ATXN2L: variants seen among roughly 807,000 people sequenced by gnomAD.
ATXN2L encodes ataxin-2-like protein.
A neutral mutation model predicts 120.7 loss-of-function variants in ATXN2L; 24 were observed. That is an observed-to-expected ratio of 0.20 (90% CI 0.14 to 0.28). The LOEUF is 0.28. Among genes scored for constraint, ATXN2L ranks in the 10% least tolerant of loss-of-function variants. The pLI, the probability that ATXN2L is intolerant of heterozygous loss-of-function variation, is 1.00. For missense variants in ATXN2L, 1,312 were observed against 1,432.3 expected (o/e 0.92, Z 1.36); for synonymous variants, 653 against 568.1 (o/e 1.15, Z -2.13).
chr16:28,836,156 G>A lies in ATXN2L; in HGVS notation c.3119G>A (p.Gly1040Glu), dbSNP rs761306397. Residue 1040 changes from glycine to glutamate, a missense_variant, in exon 22 of 22, where the codon GGA becomes GAA. By Grantham distance (98) the Gly-to-Glu change is moderately conservative. Transcript: ENST00000336783. The stretch of plus-strand genomic sequence containing the variant: ...CCTGGCCAGGCGCCTGGATTTCCAG[G>A]AGGAGCCGATGACAGGATTCGTGAG... ...EQPGQAPGFP[G>E]GADDRIREFS... is the part of the protein sequence containing the mutation. The A allele has an allele frequency of 6.2e-7, 1 of 1,614,144 alleles. No homozygotes were observed. Among genetic ancestry groups the A allele is most frequent in the Non-Finnish European group, 8.5e-7 (1 of 1,180,010 alleles).
At chr16:28,829,763 C>T (rs2053666585) in intron 7 of ATXN2L, 95 bp from the exon 8 acceptor site, 1 of 1,334,106 alleles carries the variant, frequency 7.5e-7, no homozygotes, top group East Asian at 2.3e-5. Flanking sequence ...ACTTCCATGC[C>T]TGAACTGGTG....
In ATXN2L at chr16:28,836,850, C is replaced by T; in HGVS notation, c.*585C>T. ...TGATCTATGTCTCTTCCCCCAGCAG[C>T]TCGGACCACTCCCAGCCCCCCATCC... On this transcript the variant is annotated 3_prime_UTR_variant, in exon 22 of 22. Transcript: ENST00000336783. 1.3e-6 allele frequency: 2 copies of T among 1,544,816 alleles called. No homozygotes were observed. The highest frequency in any genetic ancestry group is 1.8e-6 in the Non-Finnish European group (2 of 1,122,412).
chr16:28,831,350 C>T (rs558560176), intron 10 of ATXN2L, among the ~76,000 whole-genome samples: 14 of 151,996 alleles, frequency 9.2e-5, no homozygotes, highest in South Asian at 8.3e-4. Flanking sequence ...TTTTTTGAAA[C>T]GGAGTCTTGC....
chr16:28,830,686 C>T lies in ATXN2L; in HGVS notation c.1106C>T (p.Ser369Phe). ...GPRGGVRCSSSRGGRPGLSSL... is the reference protein window; with the variant it reads ...GPRGGVRCSSFRGGRPGLSSL... ...CGGGGAGGAGTTCGATGCAGCAGCT[C>T]TCGGGGCGGTCGGCCTGGCCTTAGC... The change falls in exon 9 of 22, where the codon TCT (serine) becomes TTT (phenylalanine). Residue 369 changes from serine (S) to phenylalanine (F), a missense_variant. Ser to Phe is a radical substitution (Grantham distance 155). Transcript: ENST00000336783. The T allele has an allele frequency of 6.2e-7, 1 of 1,613,814 alleles. No individual in the cohort carries two copies. The highest frequency in any genetic ancestry group is 1.1e-5 in the South Asian group (1 of 91,034).
intron 10 of ATXN2L, 151 bp downstream of exon 10, chr16:28,831,223 C>G (rs1244360338): frequency 3.0e-6 from 2 of 667,872 alleles, no homozygotes; most frequent in Non-Finnish European, 2.5e-6. Context: ...AATAGTTCTT[C>G]GATTTCCCTA....
chr16:28,826,952 G>A lies in ATXN2L; in HGVS notation c.707G>A (p.Ser236Asn). 1.3e-6 allele frequency: 2 copies of A among 1,581,536 alleles called. No homozygotes were observed. Among genetic ancestry groups the A allele is most frequent in the Non-Finnish European group, 8.6e-7 (1 of 1,159,912 alleles). Residue 236 changes from serine to asparagine, a missense_variant, in exon 6 of 22, where the codon AGC (serine) becomes AAC (asparagine). Ser to Asn is a conservative substitution (Grantham distance 46). Transcript: ENST00000336783. ...KVLQRWEGGDSNSDDYDLESD... is the reference protein window; with the variant it reads ...KVLQRWEGGDNNSDDYDLESD... ...CTTCAGCGCTGGGAGGGGGGTGACA[G>A]CAACAGCGACGACTATGACCTCGAG...
chr16:28,824,666 T>C, intron 1 of ATXN2L: 1 of 1,053,586 alleles, frequency 9.5e-7, no homozygotes, highest in South Asian at 1.6e-5. Flanking sequence ...TGGGAGGTAA[T>C]GTACCTGAGC....
chr16:28,823,869 T>C, intron 1 of ATXN2L: 2 of 307,394 alleles, frequency 6.5e-6, no homozygotes, highest in Non-Finnish European at 1.2e-5. Context: ...GGCAAGGAGC[T>C]GATCGGGGTC....
rs967771955 is a variant in ATXN2L, at chr16:28,836,545, G to T, written c.*280G>T. On this transcript the variant is annotated 3_prime_UTR_variant, in exon 22 of 22. Coordinates refer to ENST00000336783, the MANE Select transcript of ATXN2L (RefSeq NM_007245.4). ...GTGTGGGGGGCTGAGCTGGGCACATGAGTGAGGGCTCTGGCTTACTGGGAA... is the reference window on the plus strand; with the variant it reads ...GTGTGGGGGGCTGAGCTGGGCACATTAGTGAGGGCTCTGGCTTACTGGGAA... 5.7e-6 allele frequency: 9 copies of T among 1,580,774 alleles called. No individual in the cohort carries two copies. Among genetic ancestry groups the T allele is most frequent in the Admixed American group, 1.8e-5 (1 of 56,266 alleles).
intron 1 of ATXN2L, chr16:28,824,606 T>A: frequency 2.5e-6 from 3 of 1,223,262 alleles, no homozygotes; most frequent in Non-Finnish European, 3.2e-6. Context: ...ATACCCCTCC[T>A]CCCACAGTTT....
In ATXN2L at chr16:28,823,549, G is replaced by T. The variant is rs986271757; in HGVS notation, c.290G>T (p.Gly97Val). The T allele has an allele frequency of 1.6e-5, 22 of 1,355,458 alleles. No individual in the cohort carries two copies. In the African/African-American group the frequency reaches 3.2e-4, roughly 20 times the overall value. The allele number at this position is 1,355,458 out of a possible 1,614,324, so 84.0% of individuals were successfully genotyped here. ...HQERPGAAAI[G>V]SARGQSTGKG... ...GAGAGGCCGGGGGCAGCCGCCATCG[G>T]CAGCGCCAGGTGAGAAGGGTGGGCT... Residue 97 changes from glycine (G) to valine (V), a missense_variant, in exon 1 of 22, where the codon GGC becomes GTC. Coordinates refer to ENST00000336783, the MANE Select transcript of ATXN2L (RefSeq NM_007245.4).
chr16:28,825,341 AGTAAT>A lies in ATXN2L; in HGVS notation c.300-24_300-20del, dbSNP rs1567397038. The A allele has an allele frequency of 6.2e-7, 1 of 1,612,862 alleles. No homozygotes were observed. Among genetic ancestry groups the A allele is most frequent in the Admixed American group, 1.7e-5 (1 of 59,958 alleles). On this transcript the variant is annotated intron_variant, in intron 1 of 21. Transcript: ENST00000336783. ...GTCTAAGAGGGCTTGAACAGACTTA[AGTAAT>A]TTCTTGTTTTCTTTTATAGGGGACA... is the stretch of plus-strand genomic sequence containing the variant.
At chr16:28,834,812 C>A (rs1959478971) in intron 18 of ATXN2L, 119 bp downstream of exon 18, 2 of 1,295,506 alleles carry the variant, frequency 1.5e-6, no homozygotes, top group Non-Finnish European at 2.1e-6. Context: ...GATCGGCCCT[C>A]TGTGGTATTG....
At position 28,825,352 on chromosome 16, in the gene ATXN2L, GTTTTC is replaced by G. The variant is rs1197369891; in HGVS notation, c.300-9_300-5del. ...CTTGAACAGACTTAAGTAATTTCTT[GTTTTC>G]TTTTATAGGGGACAGAGCACAGGAA... On this transcript the variant is annotated splice_polypyrimidine_tract_variant and intron_variant, in intron 1 of 21. Coordinates refer to ENST00000336783, the MANE Select transcript of ATXN2L (RefSeq NM_007245.4). 2 of 1,613,592 alleles carry G rather than the reference GTTTTC, an allele frequency of 1.2e-6. No homozygotes were observed. The highest frequency in any genetic ancestry group is 1.7e-6 in the Non-Finnish European group (2 of 1,179,710).
In ATXN2L at chr16:28,831,052, C is replaced by T. The variant is rs371862735; in HGVS notation, c.1301C>T (p.Ser434Phe). The T allele has an allele frequency of 4.4e-6, 7 of 1,608,704 alleles. No individual in the cohort carries two copies. The highest frequency in any genetic ancestry group is 5.9e-6 in the Non-Finnish European group (7 of 1,177,772). ...AGTAATAGGCCTTCTGGAGAAACTT[C>T]TGTTCCACCTCCTCCTGCAGGTAAA... ...SPSNRPSGET[S>F]VPPPPAVGRM... The change falls in exon 10 of 22, where the codon TCT becomes TTT. Residue 434 changes from serine to phenylalanine, a missense_variant. Physicochemically the swap from Ser to Phe is radical, Grantham distance 155. Transcript: ENST00000336783.
Position 28,832,677 on chromosome 16 carries a change from T to C in ATXN2L, c.1588+110T>C, listed in dbSNP as rs999889533. The C allele has an allele frequency of 1.1e-5, 16 of 1,413,440 alleles. No individual in the cohort carries two copies. The African/African-American group carries it at 2.2e-4, about 19-fold the overall frequency. The allele number at this position is 1,413,440 out of a possible 1,614,324, so 87.6% of individuals were successfully genotyped here. Reference sequence around the variant, plus strand: ...GAGGCAAACAATGTCTATCAGTCCTTGGATTATAATTTCACTTCTGTGATC... The same window carrying C: ...GAGGCAAACAATGTCTATCAGTCCTCGGATTATAATTTCACTTCTGTGATC... On this transcript the variant is annotated intron_variant, in intron 12 of 21. Coordinates refer to ENST00000336783, the MANE Select transcript of ATXN2L (RefSeq NM_007245.4).
Position 28,830,706 on chromosome 16 carries a change from C to T in ATXN2L, c.1126C>T (p.Leu376Phe). ...CAGCTCTCGGGGCGGTCGGCCTGGC[C>T]TTAGCTCTTTGCCACCTCGTGGCCC... ...CSSSRGGRPG[L>F]SSLPPRGPHH... Residue 376 changes from leucine to phenylalanine, a missense_variant, in exon 9 of 22, where the codon CTT becomes TTT. Coordinates refer to ENST00000336783, the MANE Select transcript of ATXN2L (RefSeq NM_007245.4). The T allele has an allele frequency of 6.2e-7, 1 of 1,613,838 alleles. No individual in the cohort carries two copies. The highest frequency in any genetic ancestry group is 8.5e-7 in the Non-Finnish European group (1 of 1,179,918).
chr16:28,832,130 T>A lies in ATXN2L; in HGVS notation c.1322-75T>A, dbSNP rs530214893. Reference sequence around the variant, plus strand: ...TTGTATAGTGTGTAAACTTTCTTGCTGTTTTGAGTAAGGCCCTTGTACTCA... The same window carrying A: ...TTGTATAGTGTGTAAACTTTCTTGCAGTTTTGAGTAAGGCCCTTGTACTCA... On this transcript the variant is annotated intron_variant, in intron 10 of 21. Transcript: ENST00000336783. 3.5e-5 allele frequency: 53 copies of A among 1,499,724 alleles called. 1 individual carries two copies. In the South Asian group the frequency reaches 5.3e-4, roughly 15 times the overall value. The allele number at this position is 1,499,724 out of a possible 1,614,324, so 92.9% of individuals were successfully genotyped here.
Position 28,825,635 on chromosome 16 carries a change from C to T in ATXN2L, c.348C>T (p.Gly116=), listed in dbSNP as rs374315238. 28 of 1,614,014 alleles carry T rather than the reference C, an allele frequency of 1.7e-5. No homozygotes were observed. The highest frequency in any genetic ancestry group is 2.2e-5 in the East Asian group (1 of 44,882). Reference sequence around the variant, plus strand: ...ATGTTAACTGACAGGTGTTTGAAGGCGTCTACAACAATTCCAGAATGCTGC... The same window carrying T: ...ATGTTAACTGACAGGTGTTTGAAGGTGTCTACAACAATTCCAGAATGCTGC... ...KGPPQSPVFE[G]VYNNSRMLHF... is the part of the protein sequence containing the mutation. Residue 116 remains glycine, a synonymous_variant, in exon 3 of 22, where the codon GGC becomes GGT. Coordinates refer to ENST00000336783, the MANE Select transcript of ATXN2L (RefSeq NM_007245.4).
Sources: allele counts gnomAD v4.1 joint callset (sites outside exome capture counted in the v4.1 genomes callset), GRCh38; gene constraint gnomAD v4.1.1; transcripts MANE v1.5; gene names NCBI Gene and HGNC (gene_info 2026-07-23, HGNC 2026-07-21).